PRRX1: variants seen among roughly 807,000 people sequenced by gnomAD.
PRRX1 encodes paired mesoderm homeobox protein 1.
A neutral mutation model predicts 24.0 loss-of-function variants in PRRX1; 8 were observed. That is an observed-to-expected ratio of 0.33 (90% CI 0.20 to 0.60). The LOEUF (loss-of-function observed/expected upper bound fraction) is 0.60. Among genes scored for constraint, PRRX1 ranks in the 20% least tolerant of loss-of-function variants. The pLI is 0.82. For synonymous variants in PRRX1, 160 were observed against 131.7 expected, an observed-to-expected ratio of 1.22 and a Z score of -1.47; for missense variants, 281 against 322.4, an observed-to-expected ratio of 0.87 and a Z score of 0.98.
Position 170,705,935 on chromosome 1 carries a change from T to TACACACAC in PRRX1, c.242-13765_242-13758dup, listed in dbSNP as rs71125270. ...CCACATAGACACACACACACACACA[T>TACACACAC]ACACACACACACACACACACACACA... On this transcript the variant is annotated intron_variant, in intron 1 of 3. Transcript: ENST00000239461. Among the ~76,000 whole-genome samples the TACACACAC allele has an allele frequency of 6.1e-3, 895 of 146,526 alleles. 4 individuals carry two copies. Among genetic ancestry groups the TACACACAC allele is most frequent in the South Asian group, 0.015 (70 of 4,574 alleles).
At chr1:170,715,455 A>G (rs1365262082) in intron 1 of PRRX1, among the ~76,000 whole-genome samples, 5 of 152,202 alleles carry the variant, frequency 3.3e-5, no homozygotes, top group African/African-American at 1.2e-4. Context: ...AAAGTATTTG[A>G]TAATATACTA....
chr1:170,702,051 C>A (rs1032352297), intron 1 of PRRX1, among the ~76,000 whole-genome samples: 7 of 152,296 alleles, frequency 4.6e-5, no homozygotes, highest in African/African-American at 1.7e-4. Flanking sequence ...GAAACTTCCT[C>A]CTCGGCTCAT....
chr1:170,677,136 T>A (rs1653349436), intron 1 of PRRX1, among the ~76,000 whole-genome samples: 1 of 152,218 alleles, frequency 6.6e-6, no homozygotes, highest in Admixed American at 6.5e-5. Context: ...AAATTTAGAT[T>A]TAGACACGTT....
At chr1:170,677,652 T>C (rs1653367624) in intron 1 of PRRX1, among the ~76,000 whole-genome samples, 1 of 152,250 alleles carries the variant, frequency 6.6e-6, no homozygotes, top group African/African-American at 2.4e-5. Flanking sequence ...AATTAGAAAC[T>C]GATGCCTCAT....
At chr1:170,695,869 C>A (rs1012554757) in intron 1 of PRRX1, among the ~76,000 whole-genome samples, 1 of 151,566 alleles carries the variant, frequency 6.6e-6, no homozygotes, top group African/African-American at 2.4e-5. Flanking sequence ...TCTCTGAGAC[C>A]TTTGATGGAA....
rs75592519 is a variant in PRRX1, at chr1:170,697,054, A to T, written c.242-22672A>T. Among the ~76,000 whole-genome samples the T allele has an allele frequency of 8.5e-5, 13 of 152,144 alleles. No individual in the cohort carries two copies. In the East Asian group the frequency reaches 2.5e-3, roughly 29 times the overall value. ...ACCAAACGTGAAGGAACATTCTCTA[A>T]TCTGGAGAGATTAGGGGCCTCATAC... On this transcript the variant is annotated intron_variant, in intron 1 of 3. Transcript: ENST00000239461.
chr1:170,729,024 C>T (rs918425027), intron 3 of PRRX1: 1 of 152,206 alleles, frequency 6.6e-6, no homozygotes, highest in African/African-American at 2.4e-5. Flanking sequence ...TCTTGGAACA[C>T]TGTTGTGTGA....
At chr1:170,710,004 C>A (rs1339106011) in intron 1 of PRRX1, among the ~76,000 whole-genome samples, 1 of 152,126 alleles carries the variant, frequency 6.6e-6, no homozygotes, top group Non-Finnish European at 1.5e-5. Context: ...TCTTCTTTCT[C>A]TAGACTGTGG....
chr1:170,722,426 G>A (rs547148710), intron 2 of PRRX1, among the ~76,000 whole-genome samples: 7 of 151,866 alleles, frequency 4.6e-5, no homozygotes, highest in Middle Eastern at 6.8e-3. Context: ...TCTTGAACCC[G>A]GTTTTGTTTT....
rs556382799 is a variant in PRRX1 at position 170,724,139 on chromosome 1, G to GT, written c.418-2074dup. On this transcript the variant is annotated intron_variant, in intron 2 of 3. Coordinates refer to ENST00000239461, the MANE Select transcript of PRRX1 (RefSeq NM_022716.4). ...TGCCCACTTTTTCATGGGATTGTTT[G>GT]TTTTTTTCTTATAAATTTGTTTAAG... Among the ~76,000 whole-genome samples, 42 of 152,108 alleles carry GT rather than the reference G, an allele frequency of 2.8e-4. No individual in the cohort carries two copies. In the South Asian group the frequency reaches 8.3e-3, roughly 30 times the overall value.
At chr1:170,663,128 A>C (rs2101877827), upstream of PRRX1, 1 of 138,428 alleles carries the variant, frequency 7.2e-6, no homozygotes, top group South Asian at 2.2e-4. Flanking sequence ...CTTTCTCTCT[A>C]ACTCTGATGT....
intron 1 of PRRX1, among the ~76,000 whole-genome samples, chr1:170,665,663 G>T (rs1036174258): frequency 6.6e-6 from 1 of 152,222 alleles, no homozygotes; most frequent in Admixed American, 6.5e-5. Flanking sequence ...AAATCAAACT[G>T]CACATAGAAA....
chr1:170,695,016 G>A (rs538633396), intron 1 of PRRX1, among the ~76,000 whole-genome samples: 1 of 152,232 alleles, frequency 6.6e-6, no homozygotes, highest in Non-Finnish European at 1.5e-5. Flanking sequence ...GTGGTGATCT[G>A]ACCTTACTTG....
chr1:170,664,107 C>CTCTCTCTCTCTCTCTCTCTCAA, upstream of PRRX1: 1 of 1,091,250 alleles, frequency 9.2e-7, no homozygotes, highest in Non-Finnish European at 1.3e-6. Flanking sequence ...CTCTCTCTCT[C>CTCTCTCTCTCTCTCTCTCTCAA]CACTACCCCC....
At chr1:170,673,341 C>A (rs1369680351) in intron 1 of PRRX1, among the ~76,000 whole-genome samples, 7 of 152,170 alleles carry the variant, frequency 4.6e-5, no homozygotes, top group African/African-American at 1.7e-4. Flanking sequence ...GTCTAGACTC[C>A]AGCAGTAGTA....
chr1:170,691,441 ATTTCCTTTCC>A (rs60341193), intron 1 of PRRX1, among the ~76,000 whole-genome samples: 3,618 of 71,732 alleles, frequency 0.05, 117 homozygotes, highest in African/African-American at 0.071. Context: ...CTTTCCTTCC[ATTTCCTTTCC>A]TTTCCTTTCC....
chr1:170,676,459 C>T (rs548337585), intron 1 of PRRX1, among the ~76,000 whole-genome samples: 3 of 152,036 alleles, frequency 2.0e-5, no homozygotes, highest in East Asian at 1.9e-4. Context: ...CCAATCTATG[C>T]AGTCCTTGAA....
chr1:170,736,513 G>T lies in PRRX1; in HGVS notation c.*327G>T. 13 of 333,206 alleles carry T rather than the reference G, an allele frequency of 3.9e-5. No individual in the cohort carries two copies. Among genetic ancestry groups the T allele is most frequent in the South Asian group, 1.3e-4 (4 of 30,640 alleles). The allele number at this position is 333,206 out of a possible 1,614,324, so 20.6% of individuals were successfully genotyped here. ...CCACCCACCCCCATGATTGTATGAA[G>T]TTTTAAAAAAAACTACAGCAGCCAA... On this transcript the variant is annotated 3_prime_UTR_variant, in exon 4 of 4. Transcript: ENST00000239461.
intron 1 of PRRX1, among the ~76,000 whole-genome samples, chr1:170,678,319 T>C (rs1355188836): frequency 1.3e-5 from 2 of 152,204 alleles, no homozygotes; most frequent in Admixed American, 1.3e-4. Flanking sequence ...AACAATTAAA[T>C]CTCTCTGGCA....
Sources: gnomAD v4.1 joint callset for allele counts (sites outside exome capture counted in the v4.1 genomes callset) on GRCh38, gnomAD v4.1.1 for gene constraint, MANE v1.5 for transcripts, NCBI Gene and HGNC (gene_info 2026-07-23, HGNC 2026-07-21) for gene names.